NPHP4: variants seen among roughly 807,000 people sequenced by gnomAD.
The protein encoded by NPHP4 is nephrocystin 4, also known as nephrocystin-4.
Under a neutral mutation model 155.8 loss-of-function variants are expected in NPHP4, and 151 were observed. The ratio of observed to expected loss-of-function variants is 0.97; its 90% CI spans 0.85 to 1.11. NPHP4 has a LOEUF of 1.11. Ranked by LOEUF, NPHP4 falls within the 50% of genes least tolerant of loss-of-function variation. NPHP4 has a pLI of 0.00. For missense variants in NPHP4, 1,956 were observed against 1,925.7 expected, an observed-to-expected ratio of 1.02 and a Z score of -0.29; for synonymous variants, 845 against 816.8, an observed-to-expected ratio of 1.03 and a Z score of -0.59.
In NPHP4 at chr1:5,865,244, G is replaced by A. The variant is rs144624477; in HGVS notation, c.3674C>T (p.Thr1225Met). ...CAGGGAGTGGAGGTAGACCTGCCACGTCTGTGTGGGTGTCGCCAGCCAGCG... is the reference window on the plus strand; with the variant it reads ...CAGGGAGTGGAGGTAGACCTGCCACATCTGTGTGGGTGTCGCCAGCCAGCG... ...SDRWLATPTQ[T>M]WQVYLHSLQR... The change falls in exon 27 of 30, where the codon ACG becomes ATG. Residue 1225 changes from threonine (T) to methionine (M), a missense_variant. Thr to Met is a moderately conservative substitution (Grantham distance 81). Transcript: ENST00000378156. 1.1e-3 allele frequency: 1,691 copies of A among 1,584,646 alleles called. 19 individuals are homozygous for A. In the African/African-American group the frequency reaches 0.019, roughly 18 times the overall value.
chr1:5,951,053 A>G (rs1160056097), intron 7 of NPHP4, among the ~76,000 whole-genome samples: 1 of 152,258 alleles, frequency 6.6e-6, no homozygotes, highest in Non-Finnish European at 1.5e-5. Context: ...ATAGGTCAAA[A>G]GCAGGCAAGC....
At chr1:5,982,814 C>T (rs897858760) in intron 2 of NPHP4, among the ~76,000 whole-genome samples, 2 of 152,134 alleles carry the variant, frequency 1.3e-5, no homozygotes, top group African/African-American at 4.8e-5. Flanking sequence ...ATGTTAATTT[C>T]CTATTTGAGG....
chr1:5,983,397 T>C (rs1366659435), intron 2 of NPHP4, among the ~76,000 whole-genome samples: 2 of 152,232 alleles, frequency 1.3e-5, no homozygotes, highest in Non-Finnish European at 2.9e-5. Context: ...CTAAACTGTT[T>C]ATGTACTGTG....
chr1:5,951,446 T>C (rs1040840281), intron 7 of NPHP4, among the ~76,000 whole-genome samples: 2 of 152,220 alleles, frequency 1.3e-5, no homozygotes, highest in African/African-American at 4.8e-5. Context: ...AAGGAGTGGT[T>C]TGCCCACAAC....
At position 5,964,413 on chromosome 1, in the gene NPHP4, C is replaced by T. The variant is rs531558230; in HGVS notation, c.518-2464G>A. On this transcript the variant is annotated intron_variant, in intron 5 of 29. Transcript: ENST00000378156. ...AATACCAGAGAGAGATGGAGCCCCA[C>T]GAAACTGCTGCAAACTAGAACAGGT... Among the ~76,000 whole-genome samples, 9 of 152,286 alleles carry T rather than the reference C, an allele frequency of 5.9e-5. No individual in the cohort carries two copies. In the East Asian group the frequency reaches 1.2e-3, roughly 20 times the overall value.
intron 9 of NPHP4, among the ~76,000 whole-genome samples, chr1:5,938,664 T>C (rs1476509958): frequency 2.0e-5 from 3 of 152,266 alleles, no homozygotes; most frequent in Admixed American, 6.5e-5. Flanking sequence ...TTTTCCCATT[T>C]AGAAAAACAA....
At chr1:5,873,937 C>G (rs1642275440) in intron 22 of NPHP4, 1 of 220,574 alleles carries the variant, frequency 4.5e-6, no homozygotes. Flanking sequence ...TCACACACAC[C>G]CTGCATACAT....
Position 5,866,112 on chromosome 1 carries a change from C to G in NPHP4, c.3644+261G>C, listed in dbSNP as rs925493348. The stretch of plus-strand genomic sequence containing the variant: ...GGTGGCCCTTGCCACTATCTGGGGA[C>G]AGAGGCTGACTGGTGTCTCTCCTTG... On this transcript the variant is annotated intron_variant, in intron 26 of 29. Transcript: ENST00000378156. 3 of 530,284 alleles carry G rather than the reference C, an allele frequency of 5.7e-6. No homozygotes were observed. In the Admixed American group the frequency reaches 9.5e-5, roughly 17 times the overall value. 32.8% of individuals were successfully genotyped at this position (530,284 alleles called of 1,614,324 possible).
intron 21 of NPHP4, 89 bp downstream of exon 21, chr1:5,874,785 G>T: frequency 6.5e-7 from 1 of 1,528,366 alleles, no homozygotes; most frequent in Non-Finnish European, 9.0e-7. Flanking sequence ...CCCGGCTCTC[G>T]GGCAGAATTC....
chr1:5,947,888 G>A (rs1048660743), intron 8 of NPHP4, among the ~76,000 whole-genome samples, 182 bp downstream of exon 8: 1 of 152,152 alleles, frequency 6.6e-6, no homozygotes, highest in Non-Finnish European at 1.5e-5. Context: ...AAAAAAGGGG[G>A]GGGCTTTTTC....
intron 11 of NPHP4, among the ~76,000 whole-genome samples, chr1:5,920,598 C>G (rs2101577072): frequency 6.6e-6 from 1 of 152,294 alleles, no homozygotes; most frequent in South Asian, 2.1e-4. Context: ...GCCAGGCAGC[C>G]CCGAGCACCT....
intron 2 of NPHP4, among the ~76,000 whole-genome samples, chr1:5,981,562 T>C (rs1013291206): frequency 2.6e-5 from 4 of 152,240 alleles, no homozygotes; most frequent in Admixed American, 6.5e-5. Context: ...TGTAATATTC[T>C]TCAGCCAACA....
intron 11 of NPHP4, among the ~76,000 whole-genome samples, chr1:5,917,690 C>A (rs115189460): frequency 2.0e-5 from 3 of 152,064 alleles, no homozygotes; most frequent in Non-Finnish European, 2.9e-5. Flanking sequence ...TGAAACAGTC[C>A]CCACCGTGAG....
chr1:5,905,570 G>T lies in NPHP4; in HGVS notation c.1763+62C>A. ...CCTGTGGAAACCCTGGGGTTCACAAGGTCCAACAGTCTGACGGCACAGCAC... is the reference window on the plus strand; with the variant it reads ...CCTGTGGAAACCCTGGGGTTCACAATGTCCAACAGTCTGACGGCACAGCAC... On this transcript the variant is annotated intron_variant, in intron 14 of 29. Transcript: ENST00000378156. This position sits in a 1 kb window ranked among gnomAD's most constrained non-coding sequence, Gnocchi z 4.0. 7 of 1,606,104 alleles carry T rather than the reference G, an allele frequency of 4.4e-6. No individual in the cohort carries two copies. In the South Asian group the frequency reaches 6.6e-5, roughly 15 times the overall value.
rs992469936 is a variant in NPHP4, at chr1:5,890,229, G to A, written c.2304+639C>T. Among the ~76,000 whole-genome samples the A allele has an allele frequency of 3.9e-5, 6 of 152,132 alleles. No individual in the cohort carries two copies. The highest frequency in any genetic ancestry group is 9.7e-5 in the African/African-American group (4 of 41,418). On this transcript the variant is annotated intron_variant, in intron 17 of 29. Coordinates refer to ENST00000378156, the MANE Select transcript of NPHP4 (RefSeq NM_015102.5). The surrounding 1 kb of genome is among the most constrained non-coding windows in gnomAD (Gnocchi z 4.9). ...CCACATCCTCTCCCAGCTCCGTCCC[G>A]TGGCCTGAGAGAAGTCTCAGGACAC...
chr1:5,863,482 C>T lies in NPHP4; in HGVS notation c.4141-77G>A, dbSNP rs533798192. On this transcript the variant is annotated intron_variant, in intron 29 of 29. Transcript: ENST00000378156. ...CTCACCAGCAACCTCTCTGCATGGT[C>T]GTGTTTATTTCCAAGGGGAGCTGAC... 42 of 1,537,396 alleles carry T rather than the reference C, an allele frequency of 2.7e-5. 1 individual carries two copies. Among genetic ancestry groups the T allele is most frequent in the Admixed American group, 2.1e-4 (12 of 58,250 alleles).
chr1:5,955,584 G>A (rs1056941872), intron 6 of NPHP4, among the ~76,000 whole-genome samples: 33 of 152,352 alleles, frequency 2.2e-4, no homozygotes, highest in African/African-American at 7.9e-4. Flanking sequence ...TGTCGCTTGC[G>A]ACAACACAAC....
chr1:5,933,245 A>T lies in NPHP4; in HGVS notation c.1204T>A (p.Ser402Thr), dbSNP rs886043608. The T allele has an allele frequency of 9.3e-6, 15 of 1,613,886 alleles. No homozygotes were observed. Among genetic ancestry groups the T allele is most frequent in the Non-Finnish European group, 1.3e-5 (15 of 1,179,864 alleles). Residue 402 changes from serine (S) to threonine (T), a missense_variant, in exon 10 of 30, where the codon TCT (serine) becomes ACT (threonine). Coordinates refer to ENST00000378156, the MANE Select transcript of NPHP4 (RefSeq NM_015102.5). ...TGCAGAGGCAGGGTCACCCTTCCAGAATCAGCTTCCAGCAAGGGGTTCCAA... is the reference window on the plus strand; with the variant it reads ...TGCAGAGGCAGGGTCACCCTTCCAGTATCAGCTTCCAGCAAGGGGTTCCAA... ...AVWNPLLEAD[S>T]GRVTLPLQGG...
At chr1:5,895,410 G>A (rs897491009) in intron 16 of NPHP4, among the ~76,000 whole-genome samples, 4 of 152,160 alleles carry the variant, frequency 2.6e-5, no homozygotes, top group African/African-American at 9.7e-5. Context: ...TGAGGCAGGA[G>A]AATCACTTGA....
Sources: gnomAD v4.1 joint callset for allele counts (sites outside exome capture counted in the v4.1 genomes callset) on GRCh38, gnomAD v4.1.1 for gene constraint, Gnocchi (gnomAD v3.1) non-coding constraint, MANE v1.5 for transcripts, NCBI Gene and HGNC (gene_info 2026-07-23, HGNC 2026-07-21) for gene names.